The following GSE1 variants were observed in gnomAD, a reference collection of about 807,000 sequenced individuals.
GSE1 encodes the protein genetic suppressor element 1.
In GSE1, 32 loss-of-function variants were observed where a neutral mutation model predicts 112.6. The observed-to-expected ratio is 0.28, with a 90% CI of 0.21 to 0.38. The LOEUF (loss-of-function observed/expected upper bound fraction) is 0.38, where lower values mean the gene tolerates loss of function less well. Ranked by LOEUF, GSE1 falls within the 10% of genes least tolerant of loss-of-function variation. The probability of loss-of-function intolerance (pLI) is 1.00; values close to 1 mark genes in which losing one functional copy is unlikely to be tolerated. For synonymous variants in GSE1, 1,115 were observed against 735.6 expected (o/e 1.52, Z -8.35); for missense variants, 2,348 against 1,699.2 (o/e 1.38, Z -6.71).
intron 2 of GSE1, among the ~76,000 whole-genome samples, chr16:85,505,022 C>CGCT (rs2051492645): frequency 3.6e-5 from 1 of 28,068 alleles, no homozygotes; most frequent in Non-Finnish European, 6.2e-5. Flanking sequence ...CACATGTGCA[C>CGCT]GCACACACAG....
chr16:85,200,938 A>G (rs1030213590), intron 1 of GSE1, among the ~76,000 whole-genome samples: 6 of 152,208 alleles, frequency 3.9e-5, no homozygotes, highest in Admixed American at 1.3e-4. Flanking sequence ...GAGTCTGAAC[A>G]GGCCAGAGAC....
intron 1 of GSE1, among the ~76,000 whole-genome samples, chr16:85,280,805 A>C (rs902059950): frequency 1.3e-5 from 2 of 152,250 alleles, no homozygotes; most frequent in East Asian, 1.9e-4. Flanking sequence ...CCATTTTTCA[A>C]ACCCTCTGAG....
At chr16:85,193,924 C>G (rs1030701885) in intron 1 of GSE1, among the ~76,000 whole-genome samples, 49 of 152,318 alleles carry the variant, frequency 3.2e-4, no homozygotes, top group African/African-American at 1.1e-3. Flanking sequence ...GTCCATAGAT[C>G]TTATTCCGAC....
chr16:85,462,500 A>T (rs1353602658), intron 2 of GSE1, among the ~76,000 whole-genome samples: 1 of 151,876 alleles, frequency 6.6e-6, no homozygotes, highest in African/African-American at 2.4e-5. Flanking sequence ...GGGATGGAGA[A>T]ATGAAAAGCG....
intron 2 of GSE1, among the ~76,000 whole-genome samples, chr16:85,535,207 C>T (rs965083856): frequency 2.0e-5 from 3 of 152,168 alleles, no homozygotes; most frequent in Non-Finnish European, 4.4e-5. Context: ...TGTGTGCTCC[C>T]GGCTGACTCT....
chr16:85,500,240 G>A (rs1339236580), intron 2 of GSE1, among the ~76,000 whole-genome samples: 1 of 152,206 alleles, frequency 6.6e-6, no homozygotes, highest in Non-Finnish European at 1.5e-5. Context: ...CTGGGGAAGG[G>A]AAAAACAAAT....
chr16:85,489,545 C>G (rs1031609380), intron 2 of GSE1, among the ~76,000 whole-genome samples: 14 of 152,208 alleles, frequency 9.2e-5, no homozygotes, highest in African/African-American at 3.4e-4. Flanking sequence ...GTGCCCACCC[C>G]GCAGCGCCTG....
intron 2 of GSE1, among the ~76,000 whole-genome samples, chr16:85,370,920 C>T (rs1206328288): frequency 6.6e-6 from 1 of 152,236 alleles, no homozygotes; most frequent in Non-Finnish European, 1.5e-5. Context: ...AGCCTGGCTC[C>T]TGTGTACAGC....
chr16:85,349,795 G>C (rs554595803), intron 1 of GSE1, among the ~76,000 whole-genome samples: 3 of 152,276 alleles, frequency 2.0e-5, no homozygotes, highest in African/African-American at 7.2e-5. Context: ...CTTTGCTCTT[G>C]AGATAAATCA....
At chr16:85,617,972 C>T (rs2048484903) in intron 1 of GSE1, among the ~76,000 whole-genome samples, 1 of 152,136 alleles carries the variant, frequency 6.6e-6, no homozygotes, top group African/African-American at 2.4e-5. Flanking sequence ...GTCTGTGGGC[C>T]TTGTGTTAAC....
chr16:85,671,861 T>G (rs969312706), intron 15 of GSE1: 1 of 158,268 alleles, frequency 6.3e-6, no homozygotes, highest in Non-Finnish European at 1.4e-5. Flanking sequence ...GGGGCAGGGA[T>G]GGGAAGCAGG....
chr16:85,624,891 C>CGGGTG (rs2048966994), intron 1 of GSE1, among the ~76,000 whole-genome samples: 1 of 152,232 alleles, frequency 6.6e-6, no homozygotes, highest in African/African-American at 2.4e-5. Context: ...GGCTCTGTCT[C>CGGGTG]AGCTGAGCTG....
intron 1 of GSE1, among the ~76,000 whole-genome samples, chr16:85,559,144 C>T (rs753679115): frequency 3.3e-5 from 5 of 152,146 alleles, no homozygotes; most frequent in Admixed American, 1.3e-4. Flanking sequence ...ACAGGCTTTA[C>T]GTGCCCAGCC....
At chr16:85,266,287 G>A (rs1908242525) in intron 1 of GSE1, among the ~76,000 whole-genome samples, 1 of 152,206 alleles carries the variant, frequency 6.6e-6, no homozygotes, top group South Asian at 2.1e-4. Context: ...CTAGCAATGA[G>A]CGAGCTTGAT....
At chr16:85,624,465 G>A (rs552584679) in intron 1 of GSE1, among the ~76,000 whole-genome samples, 1 of 152,348 alleles carries the variant, frequency 6.6e-6, no homozygotes, top group Admixed American at 6.5e-5. Flanking sequence ...CAGCCGTGTA[G>A]GTCCCGTCCG....
rs141750143 is a variant in GSE1, at chr16:85,519,558, CTATCATCAT to C, written c.2465-114355_2465-114347del. On this transcript the variant is annotated intron_variant, in intron 2 of 2. Coordinates refer to the GSE1 transcript ENST00000637419. ...ACCATCATCACTATTACCACCATCA[CTATCATCAT>C]CACCATCACCAGTCTCCATCATCAT... 4.8e-3 allele frequency among the ~76,000 whole-genome samples: 106 copies of C among 21,956 alleles called. 30 individuals are homozygous for C. The highest frequency in any genetic ancestry group is 8.2e-3 in the African/African-American group (73 of 8,888). The allele number at this position is 21,956 out of a possible 152,430, so 14.4% of individuals were successfully genotyped here.
At chr16:85,382,254 C>T (rs2047564666) in intron 2 of GSE1, among the ~76,000 whole-genome samples, 1 of 152,204 alleles carries the variant, frequency 6.6e-6, no homozygotes, top group Non-Finnish European at 1.5e-5. Flanking sequence ...TCCAGCCCGC[C>T]CTTATCTCAG....
At chr16:85,640,845 C>T (rs751856807) in intron 2 of GSE1, among the ~76,000 whole-genome samples, 8 of 152,260 alleles carry the variant, frequency 5.3e-5, no homozygotes, top group Non-Finnish European at 8.8e-5. Flanking sequence ...GTCTGTCTCC[C>T]GCGCAGGTGT....
rs1264362591 is a variant in GSE1 at position 85,268,962 on chromosome 16, A to C, written c.2284-88501A>C. ...TCTAACAGGTTCTGATTTTAATGAC[A>C]GGGGAGGGGGAGGCTGCAGAAAATG... On this transcript the variant is annotated intron_variant, in intron 1 of 2. Transcript: ENST00000637419. Among the ~76,000 whole-genome samples, 4 of 126,848 alleles carry C rather than the reference A, an allele frequency of 3.2e-5. 1 individual carries two copies. Among genetic ancestry groups the C allele is most frequent in the Non-Finnish European group, 1.9e-5 (1 of 51,308 alleles). 83.2% of individuals were successfully genotyped at this position (126,848 alleles called of 152,430 possible).
Sources: allele counts gnomAD v4.1 joint callset (sites outside exome capture counted in the v4.1 genomes callset), GRCh38; gene constraint gnomAD v4.1.1; transcripts MANE v1.5; gene names NCBI Gene and HGNC (gene_info 2026-07-23, HGNC 2026-07-21).